RAP1A: variants seen among roughly 807,000 people sequenced by gnomAD.
RAP1A encodes the protein ras-related protein Rap-1A.
RAP1A carries 6 observed loss-of-function variants against 26.4 expected under a neutral mutation model. The ratio of observed to expected loss-of-function variants is 0.23; its 90% CI spans 0.12 to 0.45. RAP1A has a LOEUF of 0.45. RAP1A is among the 20% of genes least tolerant of loss of function. The pLI, the probability that RAP1A is intolerant of heterozygous loss-of-function variation, is 0.99. For synonymous variants in RAP1A, 73 were observed against 79.4 expected (o/e 0.92, Z 0.43); for missense variants, 121 against 217.2 (o/e 0.56, Z 2.78).
intron 1 of RAP1A, among the ~76,000 whole-genome samples, chr1:111,607,692 T>C (rs1658819259): frequency 8.1e-6 from 1 of 123,444 alleles, no homozygotes; most frequent in East Asian, 2.7e-4. Flanking sequence ...GGCGGCGGGC[T>C]GACCCCCCCA....
At chr1:111,561,127 T>G (rs563005058) in intron 1 of RAP1A, among the ~76,000 whole-genome samples, 51 of 152,238 alleles carry the variant, frequency 3.4e-4, no homozygotes, top group African/African-American at 7.9e-4. Flanking sequence ...TTTGTTGGTT[T>G]GTTTGTTTGT....
intron 1 of RAP1A, among the ~76,000 whole-genome samples, chr1:111,643,368 C>T (rs901924439): frequency 2.6e-5 from 4 of 152,144 alleles, no homozygotes; most frequent in African/African-American, 4.8e-5. Context: ...CTATTTTAGA[C>T]GTCTTTTCTT....
At chr1:111,634,713 C>T (rs574534493) in intron 1 of RAP1A, among the ~76,000 whole-genome samples, 47 of 151,184 alleles carry the variant, frequency 3.1e-4, no homozygotes, top group Non-Finnish European at 4.6e-4. Context: ...GGTGTGATCT[C>T]GGCTCACTGC....
chr1:111,589,953 A>G lies in RAP1A; in HGVS notation c.-28+47444A>G, dbSNP rs1321672123. Among the ~76,000 whole-genome samples the G allele has an allele frequency of 3.3e-5, 5 of 152,030 alleles. No individual in the cohort carries two copies. In the East Asian group the frequency reaches 9.6e-4, roughly 29 times the overall value. ...TTTTGCTTTTGTTTTTGTTTTTTGT[A>G]GAGATGAGGTTTTGCCATGTTGCGC... On this transcript the variant is annotated intron_variant, in intron 1 of 7. Coordinates refer to the RAP1A transcript ENST00000356415.
intron 1 of RAP1A, among the ~76,000 whole-genome samples, chr1:111,606,376 C>A (rs1032505543): frequency 3.9e-5 from 6 of 152,124 alleles, no homozygotes; most frequent in African/African-American, 1.4e-4. Flanking sequence ...GCACGAAGAA[C>A]CTTTTATAAG....
chr1:111,712,498 T>C lies in RAP1A; in HGVS notation c.*97T>C, dbSNP rs75942770. Reference sequence around the variant, plus strand: ...CATTCCAGACTTCAAAAATAAAAAATCTGAAGAGGCTTCTCCTGTTTTATA... The same window carrying C: ...CATTCCAGACTTCAAAAATAAAAAACCTGAAGAGGCTTCTCCTGTTTTATA... On this transcript the variant is annotated 3_prime_UTR_variant, in exon 8 of 8. Coordinates refer to ENST00000369709, the MANE Select transcript of RAP1A (RefSeq NM_002884.4). 2.7e-3 allele frequency: 405 copies of C among 152,598 alleles called. 2 individuals carry two copies. Among genetic ancestry groups the C allele is most frequent in the African/African-American group, 8.8e-3 (366 of 41,562 alleles). 9.5% of individuals were successfully genotyped at this position (152,598 alleles called of 1,614,324 possible).
chr1:111,588,258 C>T (rs1571485370), intron 1 of RAP1A, among the ~76,000 whole-genome samples: 1 of 152,180 alleles, frequency 6.6e-6, no homozygotes, highest in Non-Finnish European at 1.5e-5. Flanking sequence ...CTGTAATCCA[C>T]TTCTACTGTT....
chr1:111,586,045 T>C (rs1184026942), intron 1 of RAP1A, among the ~76,000 whole-genome samples: 1 of 152,208 alleles, frequency 6.6e-6, no homozygotes, highest in East Asian at 1.9e-4. Context: ...TATCTTTCTT[T>C]CTCAGGTCCC....
In RAP1A at chr1:111,633,022, A is replaced by G. The variant is rs557335901; in HGVS notation, c.-28+13088A>G. Among the ~76,000 whole-genome samples, 6 of 152,014 alleles carry G rather than the reference A, an allele frequency of 3.9e-5. No homozygotes were observed. The South Asian group carries it at 1.0e-3, about 26-fold the overall frequency. ...TTTGTGGCAGTATAATTACTACTTC[A>G]TGAGGTATGGTGTCTTGTTGGTTTG... On this transcript the variant is annotated intron_variant, in intron 1 of 7. Transcript: ENST00000369709.
At chr1:111,616,870 AAGG>A (rs1019676760), upstream of RAP1A, among the ~76,000 whole-genome samples, 1 of 152,110 alleles carries the variant, frequency 6.6e-6, no homozygotes, top group Non-Finnish European at 1.5e-5. Flanking sequence ...TCCACTCTTC[AAGG>A]AGATTATTTC....
chr1:111,614,583 T>A (rs1658982475), intron 1 of RAP1A, among the ~76,000 whole-genome samples: 1 of 152,168 alleles, frequency 6.6e-6, no homozygotes, highest in East Asian at 1.9e-4. Context: ...GAGGAAGAAA[T>A]TCTCAGCCAA....
At chr1:111,647,109 G>A (rs1472210283) in intron 1 of RAP1A, among the ~76,000 whole-genome samples, 1 of 152,182 alleles carries the variant, frequency 6.6e-6, no homozygotes, top group Non-Finnish European at 1.5e-5. Flanking sequence ...TGCACAGCAG[G>A]AGGTAAGCAG....
At chr1:111,648,537 A>G (rs1660153825) in intron 1 of RAP1A, 4 of 559,470 alleles carry the variant, frequency 7.1e-6, no homozygotes, top group African/African-American at 1.9e-5. Context: ...GGTCTGTGCC[A>G]GCTCTGACTG....
chr1:111,710,270 G>A (rs956155482), intron 7 of RAP1A, among the ~76,000 whole-genome samples: 1 of 152,154 alleles, frequency 6.6e-6, no homozygotes, highest in Admixed American at 6.5e-5. Flanking sequence ...GGGCTTCTAA[G>A]TATTAGTTGA....
chr1:111,616,698 A>C, upstream of RAP1A, among the ~76,000 whole-genome samples: 1 of 152,174 alleles, frequency 6.6e-6, no homozygotes, highest in East Asian at 1.9e-4. Flanking sequence ...TTCCCCAGCA[A>C]AACTCAGACC....
At chr1:111,619,572 A>C (rs1557867457), upstream of RAP1A, among the ~76,000 whole-genome samples, 1 of 151,968 alleles carries the variant, frequency 6.6e-6, no homozygotes, top group East Asian at 1.9e-4. Flanking sequence ...GGTCTTACCC[A>C]CCTCCCATCC....
rs1662462795 is a variant in RAP1A, at chr1:111,714,042, AC to A, written c.*1642del. On this transcript the variant is annotated 3_prime_UTR_variant, in exon 8 of 8. Coordinates refer to ENST00000369709, the MANE Select transcript of RAP1A (RefSeq NM_002884.4). The stretch of plus-strand genomic sequence containing the variant: ...TTTCCAGGCATGTGGTCAGCCTGTC[AC>A]TTACTAAACTGAAATTTTAAAATCA... 1 of 152,224 alleles carries A rather than the reference AC, an allele frequency of 6.6e-6. No individual in the cohort carries two copies. The highest frequency in any genetic ancestry group is 1.5e-5 in the Non-Finnish European group (1 of 68,040). The allele number at this position is 152,224 out of a possible 1,614,324, so 9.4% of individuals were successfully genotyped here. A position where few individuals can be genotyped will look rare whatever the true frequency, so the allele number is the denominator to read the frequency against.
intron 1 of RAP1A, among the ~76,000 whole-genome samples, chr1:111,546,833 T>C (rs1232656516): frequency 6.6e-6 from 1 of 152,196 alleles, no homozygotes; most frequent in Non-Finnish European, 1.5e-5. Flanking sequence ...TGTATTTTTT[T>C]GAGGAATTGT....
chr1:111,687,713 G>C (rs959007215), intron 1 of RAP1A, among the ~76,000 whole-genome samples: 68 of 151,952 alleles, frequency 4.5e-4, no homozygotes, highest in Admixed American at 4.6e-4. Context: ...TTTGATTTAA[G>C]TGGTGAAATT....
Sources: gnomAD v4.1 joint callset for allele counts (sites outside exome capture counted in the v4.1 genomes callset) on GRCh38, gnomAD v4.1.1 for gene constraint, MANE v1.5 for transcripts, NCBI Gene and HGNC (gene_info 2026-07-23, HGNC 2026-07-21) for gene names.